DDX6: variants seen among roughly 807,000 people sequenced by gnomAD.
DDX6 encodes the protein probable ATP-dependent RNA helicase DDX6.
In DDX6, 7 loss-of-function variants were observed where a neutral mutation model predicts 60.6. The ratio of observed to expected loss-of-function variants is 0.12; its 90% CI spans 0.07 to 0.22. The LOEUF (loss-of-function observed/expected upper bound fraction) is 0.22, where lower values mean the gene tolerates loss of function less well. DDX6 is among the 10% of genes least tolerant of loss of function. DDX6 has a pLI of 1.00. For synonymous variants in DDX6, 207 were observed against 201.0 expected (o/e 1.03, Z -0.25); for missense variants, 270 against 589.9 (o/e 0.46, Z 5.62).
At chr11:118,788,484 G>C (rs908051448) in intron 1 of DDX6, 2 of 151,454 alleles carry the variant, frequency 1.3e-5, no homozygotes, top group Non-Finnish European at 2.9e-5. Flanking sequence ...TGCAAGCTCC[G>C]CCTCCTGGGT....
chr11:118,759,060 T>C (rs933686861), intron 8 of DDX6, 158 bp from the exon 9 acceptor site: 6 of 988,984 alleles, frequency 6.1e-6, no homozygotes, highest in East Asian at 3.0e-5. Context: ...CATTACAGAA[T>C]TTCCCCCCTG....
intron 7 of DDX6, 126 bp downstream of exon 7, chr11:118,763,081 ATTAAT>A (rs1189937242): frequency 2.2e-5 from 13 of 578,230 alleles, no homozygotes; most frequent in Non-Finnish European, 3.2e-5. Context: ...TTATAAGCAA[ATTAAT>A]TTAAACTGAT....
chr11:118,784,101 A>AG (rs1170568020), intron 2 of DDX6, among the ~76,000 whole-genome samples: 2 of 151,308 alleles, frequency 1.3e-5, no homozygotes, highest in African/African-American at 4.9e-5. Context: ...AAAAAAAAAA[A>AG]AAGTTATAAA....
rs1309108948 is a variant in DDX6 at position 118,751,735 on chromosome 11, T to C, written c.*370A>G. 2 of 293,868 alleles carry C rather than the reference T, an allele frequency of 6.8e-6. No homozygotes were observed. Among genetic ancestry groups the C allele is most frequent in the Non-Finnish European group, 1.3e-5 (2 of 149,754 alleles). The allele number at this position is 293,868 out of a possible 1,614,324, so 18.2% of individuals were successfully genotyped here. A position where few individuals can be genotyped will look rare whatever the true frequency, so the allele number is the denominator to read the frequency against. On this transcript the variant is annotated 3_prime_UTR_variant, in exon 14 of 14. Coordinates refer to ENST00000534980, the MANE Select transcript of DDX6 (RefSeq NM_004397.6). Reference sequence around the variant, plus strand: ...AGTTGAAATGCACGAGAGTCAGCTGTTGGAGAATTTTGAAATCATTGACAA... The same window carrying C: ...AGTTGAAATGCACGAGAGTCAGCTGCTGGAGAATTTTGAAATCATTGACAA...
intron 4 of DDX6, among the ~76,000 whole-genome samples, chr11:118,772,910 T>G (rs1384158614): frequency 6.6e-6 from 1 of 152,206 alleles, no homozygotes; most frequent in African/African-American, 2.4e-5. Context: ...GGTAGACACA[T>G]AGCCCACACT....
At chr11:118,768,025 A>C (rs782732490) in intron 5 of DDX6, 198 bp downstream of exon 5, 12 of 547,158 alleles carry the variant, frequency 2.2e-5, no homozygotes, top group Non-Finnish European at 3.8e-5. Context: ...ATACTCTTAA[A>C]ACTAGAAATC....
chr11:118,766,075 T>TA (rs1403857199), intron 5 of DDX6, among the ~76,000 whole-genome samples: 22 of 149,548 alleles, frequency 1.5e-4, no homozygotes, highest in South Asian at 8.5e-4. Context: ...CCGTCTCAAA[T>TA]AAAAAAAAAG....
intron 13 of DDX6, 26 bp downstream of exon 13, chr11:118,754,677 CCT>C (rs1860903578): frequency 6.4e-7 from 1 of 1,558,082 alleles, no homozygotes; most frequent in Non-Finnish European, 8.6e-7. Context: ...TTTAAAGGTT[CCT>C]CTTAGCTGTT....
chr11:118,760,910 C>T (rs977553790), intron 7 of DDX6, among the ~76,000 whole-genome samples: 10 of 150,494 alleles, frequency 6.6e-5, no homozygotes, highest in African/African-American at 1.7e-4. Context: ...GAGGACCAGG[C>T]GGGCGGATCA....
chr11:118,786,021 G>T, intron 2 of DDX6, 31 bp downstream of exon 2: 1 of 1,590,288 alleles, frequency 6.3e-7, no homozygotes, highest in Admixed American at 1.7e-5. Context: ...TTCCCCACAA[G>T]TGTTTATTAA....
Position 118,757,127 on chromosome 11 carries a change from G to C in DDX6, c.1110+44C>G, listed in dbSNP as rs781890493. ...AGAACATTAAAACAAAATAAAGAAAGAGATTTCTTATTAAATTTGTGCAAG... is the reference window on the plus strand; with the variant it reads ...AGAACATTAAAACAAAATAAAGAAACAGATTTCTTATTAAATTTGTGCAAG... On this transcript the variant is annotated intron_variant, in intron 10 of 13. Transcript: ENST00000534980. 4.0e-6 allele frequency: 4 copies of C among 993,078 alleles called. No homozygotes were observed. The South Asian group carries it at 7.5e-5, about 19-fold the overall frequency. 61.5% of individuals were successfully genotyped at this position (993,078 alleles called of 1,614,324 possible). A position where few individuals can be genotyped will look rare whatever the true frequency, so the allele number is the denominator to read the frequency against.
chr11:118,780,605 C>T (rs1054632259), intron 3 of DDX6, among the ~76,000 whole-genome samples: 5 of 152,234 alleles, frequency 3.3e-5, no homozygotes, highest in Admixed American at 1.3e-4. Context: ...GCAAGAGCCA[C>T]TGTGCCCGGC....
At chr11:118,772,587 A>G (rs1202980166) in intron 4 of DDX6, among the ~76,000 whole-genome samples, 2 of 152,148 alleles carry the variant, frequency 1.3e-5, no homozygotes, top group Non-Finnish European at 2.9e-5. Context: ...GCAGAACTCT[A>G]AATGCACTAA....
chr11:118,754,773 A>G lies in DDX6; in HGVS notation c.1391T>C (p.Ile464Thr). 1 of 1,613,870 alleles carries G rather than the reference A, an allele frequency of 6.2e-7. No individual in the cohort carries two copies. The highest frequency in any genetic ancestry group is 8.5e-7 in the Non-Finnish European group (1 of 1,179,866). Residue 464 changes from isoleucine to threonine, a missense_variant, in exon 13 of 14, where the codon ATT becomes ACT. Coordinates refer to ENST00000534980, the MANE Select transcript of DDX6 (RefSeq NM_004397.6). ...GTEIKPIPSN[I>T]DKSLYVAEYH... ...TTCTGCCACATACAGGCTCTTATCA[A>G]TGTTGCTCGGAATAGGTTTAATTTC...
At chr11:118,774,464 CT>C (rs11442846) in intron 4 of DDX6, among the ~76,000 whole-genome samples, 19,176 of 116,016 alleles carry the variant, frequency 0.17, 828 homozygotes, top group South Asian at 0.25. Context: ...CTCTAACAGT[CT>C]TTTTTTTTTT....
At chr11:118,772,069 G>GTTTT (rs1861552514) in intron 4 of DDX6, among the ~76,000 whole-genome samples, 1 of 152,060 alleles carries the variant, frequency 6.6e-6, no homozygotes, top group Admixed American at 6.5e-5. Context: ...AACTTCATAA[G>GTTTT]GTTAAAGCAG....
intron 2 of DDX6, among the ~76,000 whole-genome samples, chr11:118,783,414 C>T (rs1861967345): frequency 6.6e-6 from 1 of 152,172 alleles, no homozygotes; most frequent in Non-Finnish European, 1.5e-5. Context: ...GTCTCAAACT[C>T]CTGGCCTCAA....
intron 7 of DDX6, among the ~76,000 whole-genome samples, chr11:118,760,591 G>A (rs1861130215): frequency 6.6e-6 from 1 of 152,124 alleles, no homozygotes. Context: ...GGGAGGCCGA[G>A]GCGGGAGAAT....
At chr11:118,756,010 TCCCCCTC>T (rs1392366906) in intron 11 of DDX6, among the ~76,000 whole-genome samples, 6 of 39,350 alleles carry the variant, frequency 1.5e-4, no homozygotes, top group African/African-American at 5.9e-4. Context: ...AAAGATTCCA[TCCCCCTC>T]CCCCCCCCCC....
Sources: gnomAD v4.1 joint callset for allele counts (sites outside exome capture counted in the v4.1 genomes callset) on GRCh38, gnomAD v4.1.1 for gene constraint, MANE v1.5 for transcripts, NCBI Gene and HGNC (gene_info 2026-07-23, HGNC 2026-07-21) for gene names.